GRIA4: variants seen among roughly 807,000 people sequenced by gnomAD.
The protein encoded by GRIA4 is glutamate receptor 4.
A neutral mutation model predicts 104.0 loss-of-function variants in GRIA4; 34 were observed. That is an observed-to-expected ratio of 0.33 (90% CI 0.25 to 0.44). The LOEUF (loss-of-function observed/expected upper bound fraction) is 0.44, where lower values mean the gene tolerates loss of function less well. Ranked by LOEUF, GRIA4 falls within the 20% of genes least tolerant of loss-of-function variation. The probability of loss-of-function intolerance (pLI) is 1.00; values close to 1 mark genes in which losing one functional copy is unlikely to be tolerated. For missense variants in GRIA4, 750 were observed against 1,096.5 expected (o/e 0.68, Z 4.46); for synonymous variants, 386 against 381.9 (o/e 1.01, Z -0.13).
intron 7 of GRIA4, among the ~76,000 whole-genome samples, chr11:105,899,803 T>C (rs1253212461): frequency 6.6e-6 from 1 of 152,210 alleles, no homozygotes; most frequent in Non-Finnish European, 1.5e-5. Context: ...TGTTGGTTCA[T>C]GGACATTGAA....
chr11:105,654,016 A>G lies in GRIA4; in HGVS notation c.247+41582A>G, dbSNP rs868336952. 4.9e-3 allele frequency among the ~76,000 whole-genome samples: 726 copies of G among 148,862 alleles called. 5 individuals are homozygous for G. The highest frequency in any genetic ancestry group is 0.016 in the African/African-American group (665 of 40,552). On this transcript the variant is annotated intron_variant, in intron 3 of 16. Transcript: ENST00000282499. ...TATTTAGCCAAAAAAAAAAAAAAAA[A>G]AAAAAAAAAAAGAAAACAAAAAAGA...
chr11:105,622,304 C>G (rs964277893), intron 3 of GRIA4, among the ~76,000 whole-genome samples: 1 of 151,746 alleles, frequency 6.6e-6, no homozygotes, highest in African/African-American at 2.4e-5. Flanking sequence ...ATTTGTAACA[C>G]TAACTCTTCT....
At chr11:105,634,114 C>T (rs1156288229) in intron 3 of GRIA4, among the ~76,000 whole-genome samples, 2 of 151,740 alleles carry the variant, frequency 1.3e-5, no homozygotes, top group Admixed American at 6.6e-5. Flanking sequence ...TTTGGGAGGC[C>T]GAGGTGGGCA....
chr11:105,919,060 C>T, intron 11 of GRIA4, 142 bp downstream of exon 11: 1 of 584,128 alleles, frequency 1.7e-6, no homozygotes, highest in Non-Finnish European at 3.1e-6. Context: ...TTAAATCTTT[C>T]TCTATTTTAT....
intron 3 of GRIA4, among the ~76,000 whole-genome samples, chr11:105,732,705 A>G (rs527544974): frequency 6.6e-6 from 1 of 152,274 alleles, no homozygotes; most frequent in Non-Finnish European, 1.5e-5. Flanking sequence ...CATGGCAAAG[A>G]AAAGTAGATT....
At position 105,794,469 on chromosome 11, in the gene GRIA4, GTATGTATATATATATATATATATATATA is replaced by G. The variant is rs1942374279; in HGVS notation, c.487+41253_487+41280del. Among the ~76,000 whole-genome samples the G allele has an allele frequency of 2.7e-4, 11 of 40,768 alleles. 2 individuals carry two copies. The East Asian group carries it at 3.4e-3, about 13-fold the overall frequency. The allele number at this position is 40,768 out of a possible 152,430, so 26.7% of individuals were successfully genotyped here. A position where few individuals can be genotyped will look rare whatever the true frequency, so the allele number is the denominator to read the frequency against. ...TGTGTGTGTCTGTGTGTGTGTATATGTATGTATATATATATATATATATATATATATATATATATATATACATATACAC... is the reference window on the plus strand; with the variant it reads ...TGTGTGTGTCTGTGTGTGTGTATATGTATATATATATATATACATATACAC... On this transcript the variant is annotated intron_variant, in intron 4 of 16. Transcript: ENST00000282499.
chr11:105,889,880 C>G (rs1028446432), intron 6 of GRIA4, among the ~76,000 whole-genome samples: 5 of 152,012 alleles, frequency 3.3e-5, no homozygotes. Flanking sequence ...CAATAATATT[C>G]TAAAAATTAA....
At chr11:105,888,732 G>A (rs1327387126) in intron 6 of GRIA4, among the ~76,000 whole-genome samples, 1 of 151,918 alleles carries the variant, frequency 6.6e-6, no homozygotes, top group Admixed American at 6.6e-5. Context: ...AGGAATTTTC[G>A]GTCTTTAGTG....
chr11:105,946,306 G>A (rs553007223), intron 14 of GRIA4, among the ~76,000 whole-genome samples: 3 of 152,268 alleles, frequency 2.0e-5, no homozygotes, highest in South Asian at 2.1e-4. Flanking sequence ...TTAAAGGGGC[G>A]GTGCAGTGGC....
intron 3 of GRIA4, among the ~76,000 whole-genome samples, chr11:105,657,970 T>C (rs1244531740): frequency 6.6e-6 from 1 of 151,830 alleles, no homozygotes; most frequent in Non-Finnish European, 1.5e-5. Flanking sequence ...TATATTTTAT[T>C]ATACCTTTTA....
intron 3 of GRIA4, among the ~76,000 whole-genome samples, chr11:105,714,082 A>G (rs1954007523): frequency 6.6e-6 from 1 of 152,114 alleles, no homozygotes; most frequent in African/African-American, 2.4e-5. Flanking sequence ...GAATTGTGGG[A>G]TTTATGCCTC....
At chr11:105,750,201 T>A (rs1170104579) in intron 3 of GRIA4, among the ~76,000 whole-genome samples, 1 of 152,154 alleles carries the variant, frequency 6.6e-6, no homozygotes, top group Admixed American at 6.6e-5. Flanking sequence ...AAAATTTGAA[T>A]CACTGGACCA....
In GRIA4 at chr11:105,658,819, A is replaced by T. The variant is rs1376380941; in HGVS notation, c.247+46385A>T. On this transcript the variant is annotated intron_variant, in intron 3 of 16. Coordinates refer to ENST00000282499, the MANE Select transcript of GRIA4 (RefSeq NM_000829.4). ...AGTAACAAAATATAATGAACTAATAATTTTTTTCTTACATGTGAATGGAAA... is the reference window on the plus strand; with the variant it reads ...AGTAACAAAATATAATGAACTAATATTTTTTTTCTTACATGTGAATGGAAA... Among the ~76,000 whole-genome samples, 3 of 151,774 alleles carry T rather than the reference A, an allele frequency of 2.0e-5. No homozygotes were observed. In the South Asian group the frequency reaches 6.2e-4, roughly 32 times the overall value.
chr11:105,940,055 T>C (rs1459241985), intron 14 of GRIA4, among the ~76,000 whole-genome samples: 1 of 151,772 alleles, frequency 6.6e-6, no homozygotes, highest in African/African-American at 2.4e-5. Flanking sequence ...GGTGGTAGAG[T>C]ACAGAAGGAC....
At chr11:105,960,165 G>A (rs1948699705) in intron 14 of GRIA4, among the ~76,000 whole-genome samples, 1 of 152,194 alleles carries the variant, frequency 6.6e-6, no homozygotes, top group Non-Finnish European at 1.5e-5. Context: ...TTTTGCTGGG[G>A]GGAGACCCAC....
intron 3 of GRIA4, among the ~76,000 whole-genome samples, chr11:105,746,275 G>GT (rs1353551195): frequency 6.6e-6 from 1 of 151,956 alleles, no homozygotes; most frequent in African/African-American, 2.4e-5. Flanking sequence ...TATTATTGTG[G>GT]TTTTTTAGTT....
Position 105,920,710 on chromosome 11 carries a change from A to G in GRIA4, c.1476+1792A>G, listed in dbSNP as rs184468330. Among the ~76,000 whole-genome samples, 132 of 152,332 alleles carry G rather than the reference A, an allele frequency of 8.7e-4. 1 individual carries two copies. Among genetic ancestry groups the G allele is most frequent in the Middle Eastern group, 3.4e-3 (1 of 294 alleles). On this transcript the variant is annotated intron_variant, in intron 11 of 16. Coordinates refer to ENST00000282499, the MANE Select transcript of GRIA4 (RefSeq NM_000829.4). Reference sequence around the variant, plus strand: ...ATAACAAAAAGTCCCAAAGTTATGCAGTTCTCAAAGAGACAAAAGATAACA... The same window carrying G: ...ATAACAAAAAGTCCCAAAGTTATGCGGTTCTCAAAGAGACAAAAGATAACA...
chr11:105,795,533 A>G (rs538424771), intron 4 of GRIA4, among the ~76,000 whole-genome samples: 1 of 152,158 alleles, frequency 6.6e-6, no homozygotes, highest in Admixed American at 6.6e-5. Context: ...GTAAGAGATC[A>G]TCTTAGGCCA....
At chr11:105,719,160 T>A (rs1372517165) in intron 3 of GRIA4, among the ~76,000 whole-genome samples, 2 of 152,124 alleles carry the variant, frequency 1.3e-5, no homozygotes, top group East Asian at 3.9e-4. Context: ...CACTCAATTT[T>A]TAAATTGAGA....
Sources: allele counts gnomAD v4.1 joint callset (sites outside exome capture counted in the v4.1 genomes callset), GRCh38; gene constraint gnomAD v4.1.1; transcripts MANE v1.5; gene names NCBI Gene and HGNC (gene_info 2026-07-23, HGNC 2026-07-21).